The following CFAP99 variants were observed in gnomAD, a reference collection of about 807,000 sequenced individuals.
CFAP99 encodes the protein cilia and flagella associated protein 99, also known as cilia- and flagella-associated protein 99.
In CFAP99, 84 loss-of-function variants were observed where a neutral mutation model predicts 82.7. The ratio of observed to expected loss-of-function variants is 1.02; its 90% CI spans 0.85 to 1.22. The LOEUF (loss-of-function observed/expected upper bound fraction) is 1.22. Among genes scored for constraint, CFAP99 ranks in the 50% most tolerant of loss-of-function variants. The pLI is 0.00. For synonymous variants in CFAP99, 456 were observed against 429.5 expected, an observed-to-expected ratio of 1.06 and a Z score of -0.76; for missense variants, 1,059 against 983.5, an observed-to-expected ratio of 1.08 and a Z score of -1.03.
chr4:2,439,200 C>T (rs1332991896), intron 4 of CFAP99, among the ~76,000 whole-genome samples: 2 of 152,244 alleles, frequency 1.3e-5, no homozygotes, highest in Non-Finnish European at 2.9e-5. Flanking sequence ...CTACATGGTA[C>T]TCATCCCAGG....
intron 14 of CFAP99, 122 bp downstream of exon 14, chr4:2,460,364 C>T (rs1312125048): frequency 7.2e-6 from 6 of 828,920 alleles, no homozygotes; most frequent in Non-Finnish European, 1.1e-5. Context: ...AGGAAGTTCC[C>T]TTGCCGTAAC....
In CFAP99 at chr4:2,462,667, G is replaced by A. The variant is rs1734653994; in HGVS notation, c.1886G>A (p.Arg629Gln). The A allele has an allele frequency of 4.7e-6, 6 of 1,267,522 alleles. No individual in the cohort carries two copies. Among genetic ancestry groups the A allele is most frequent in the Non-Finnish European group, 5.9e-6 (6 of 1,008,892 alleles). The allele number at this position is 1,267,522 out of a possible 1,614,324, so 78.5% of individuals were successfully genotyped here. ...AAAGCCGGGGCCGGGTGGGGATGGC[G>A]GGCGCGGCGCGCAGGGACCGGCGTC... Residue 629 changes from arginine (R) to glutamine (Q), a missense_variant, in exon 15 of 15, where the codon CGG becomes CAG. Coordinates refer to ENST00000635017, the Ensembl canonical transcript of CFAP99. This position sits in a 1 kb window ranked among gnomAD's most constrained non-coding sequence, Gnocchi z 4.1.
chr4:2,452,893 T>A lies in CFAP99; in HGVS notation c.1161+547T>A, dbSNP rs187798906. On this transcript the variant is annotated intron_variant, in intron 11 of 14. Transcript: ENST00000635017. ...GCCTGAGCAACATAGCAAAATCCCG[T>A]CTCTGTAAAAAATACAAAAATTAGC... 1.7e-3 allele frequency among the ~76,000 whole-genome samples: 266 copies of A among 152,134 alleles called. 2 individuals carry two copies. Among genetic ancestry groups the A allele is most frequent in the African/African-American group, 6.0e-3 (250 of 41,502 alleles).
rs33954359 is a variant in CFAP99 at position 2,429,593 on chromosome 4, CTTT to C, written c.111+3021_111+3023del. On this transcript the variant is annotated intron_variant, in intron 2 of 14. Coordinates refer to ENST00000635017, the Ensembl canonical transcript of CFAP99. ...GGTTTTTCAGATCTTTTCTTTCTTT[CTTT>C]TTTTTTTTTTTTTGAGACAGAGTCT... 1.6e-3 allele frequency among the ~76,000 whole-genome samples: 226 copies of C among 139,158 alleles called. 2 individuals carry two copies. The highest frequency in any genetic ancestry group is 3.4e-3 in the African/African-American group (125 of 37,306). 91.3% of individuals were successfully genotyped at this position (139,158 alleles called of 152,430 possible).
At position 2,461,231 on chromosome 4, in the gene CFAP99, T is replaced by C. The variant is rs1734613929; in HGVS notation, c.1661+989T>C. Among the ~76,000 whole-genome samples the C allele has an allele frequency of 2.6e-5, 4 of 152,186 alleles. No individual in the cohort carries two copies. In the South Asian group the frequency reaches 8.3e-4, roughly 31 times the overall value. On this transcript the variant is annotated intron_variant, in intron 14 of 14. Coordinates refer to ENST00000635017, the Ensembl canonical transcript of CFAP99. ...GTCAGACATGGGCAGGCATGTCCCCTGGTCCTGGGGTCAGGCTGGCCTCTG... is the reference window on the plus strand; with the variant it reads ...GTCAGACATGGGCAGGCATGTCCCCCGGTCCTGGGGTCAGGCTGGCCTCTG...
At chr4:2,456,123 T>C (rs1420507110) in intron 11 of CFAP99, among the ~76,000 whole-genome samples, 1 of 152,202 alleles carries the variant, frequency 6.6e-6, no homozygotes, top group Non-Finnish European at 1.5e-5. Context: ...CTGTGCCTCA[T>C]AGAAGCCAGT....
At chr4:2,420,954 C>T (rs188445061) in intron 1 of CFAP99, among the ~76,000 whole-genome samples, 1 of 152,214 alleles carries the variant, frequency 6.6e-6, no homozygotes. Context: ...GAGAACTTAG[C>T]CACACAACCA....
At chr4:2,458,999 C>T (rs565409486) in intron 12 of CFAP99, 108 bp from the exon 13 acceptor site, 59 of 1,444,804 alleles carry the variant, frequency 4.1e-5, no homozygotes, top group Middle Eastern at 2.3e-4. Context: ...CCCAGGTGGC[C>T]GCACTGAGGC....
At position 2,443,291 on chromosome 4, in the gene CFAP99, A is replaced by G. The variant is rs76226541; in HGVS notation, c.464+49A>G. On this transcript the variant is annotated intron_variant, in intron 5 of 14. Transcript: ENST00000635017. ...GGGCCCTGAATGGCATCTGCACCCC[A>G]TTCCAGGTGCCTCCACGGGCACGGG... 1,817 of 1,227,684 alleles carry G rather than the reference A, an allele frequency of 1.5e-3. 42 individuals carry two copies. In the East Asian group the frequency reaches 0.043, roughly 29 times the overall value. 76.0% of individuals were successfully genotyped at this position (1,227,684 alleles called of 1,614,324 possible).
intron 13 of CFAP99, 104 bp from the exon 14 acceptor site, chr4:2,459,933 A>G: frequency 1.0e-6 from 1 of 983,618 alleles, no homozygotes; most frequent in Non-Finnish European, 1.5e-6. Flanking sequence ...AAGCAGAGGG[A>G]AGGTGGGCAA....
chr4:2,441,356 G>A (rs926394295), intron 4 of CFAP99, among the ~76,000 whole-genome samples: 113 of 138,966 alleles, frequency 8.1e-4, no homozygotes, highest in East Asian at 2.2e-4. Context: ...CTGGGCGACA[G>A]AGCGAGACTC....
chr4:2,452,340 G>T, exon 11 of CFAP99: 1 of 1,534,270 alleles, frequency 6.5e-7, no homozygotes, highest in Non-Finnish European at 8.7e-7. Context: ...AGCAGCAGAA[G>T]GAGCAGGTGG....
Position 2,462,759 on chromosome 4 carries a change from G to A in CFAP99, c.1978G>A (p.Gly660Arg). The A allele has an allele frequency of 8.0e-7, 1 of 1,249,896 alleles. No homozygotes were observed. Among genetic ancestry groups the A allele is most frequent in the Non-Finnish European group, 1.0e-6 (1 of 995,158 alleles). The allele number at this position is 1,249,896 out of a possible 1,614,324, so 77.4% of individuals were successfully genotyped here. Residue 660 changes from glycine (G) to arginine (R), a missense_variant, in exon 15 of 15, where the codon GGA becomes AGA. By Grantham distance (125) the Gly-to-Arg change is moderately radical. Transcript: ENST00000635017. This position sits in a 1 kb window ranked among gnomAD's most constrained non-coding sequence, Gnocchi z 4.1. ...CGGGAGATACGCAGCGGCGGGCGCG[G>A]GAGGCGGTGGGGGCGTCCCTGCCCG... is the stretch of plus-strand genomic sequence containing the variant.
Position 2,462,245 on chromosome 4 carries a change from C to G in CFAP99, c.1662-198C>G, listed in dbSNP as rs1265522364. 1.3e-5 allele frequency: 6 copies of G among 450,886 alleles called. No individual in the cohort carries two copies. The highest frequency in any genetic ancestry group is 1.9e-5 in the Non-Finnish European group (5 of 260,202). The allele number at this position is 450,886 out of a possible 1,614,324, so 27.9% of individuals were successfully genotyped here. A position where few individuals can be genotyped will look rare whatever the true frequency, so the allele number is the denominator to read the frequency against. ...TAGAAGTGCTGGAGACTCCCCCAAC[C>G]CCTCCAGCCCCTGAGCGGTGGTACT... On this transcript the variant is annotated intron_variant, in intron 14 of 14. Coordinates refer to ENST00000635017, the Ensembl canonical transcript of CFAP99. This position sits in a 1 kb window ranked among gnomAD's most constrained non-coding sequence, Gnocchi z 4.1.
Position 2,434,278 on chromosome 4 carries a change from C to A in CFAP99, c.112-2596C>A, listed in dbSNP as rs76255821. ...GGGGCCAGCTGGGGTATCCGTTTGGCAATCAGAATGCTGTCAGCCTCGAAG... is the reference window on the plus strand; with the variant it reads ...GGGGCCAGCTGGGGTATCCGTTTGGAAATCAGAATGCTGTCAGCCTCGAAG... On this transcript the variant is annotated intron_variant, in intron 2 of 14. Coordinates refer to ENST00000635017, the Ensembl canonical transcript of CFAP99. Among the ~76,000 whole-genome samples, 4 of 152,164 alleles carry A rather than the reference C, an allele frequency of 2.6e-5. No individual in the cohort carries two copies. In the East Asian group the frequency reaches 5.8e-4, roughly 22 times the overall value.
At chr4:2,439,331 A>C (rs1482596915) in intron 4 of CFAP99, among the ~76,000 whole-genome samples, 1 of 152,170 alleles carries the variant, frequency 6.6e-6, no homozygotes, top group African/African-American at 2.4e-5. Flanking sequence ...CTTACTCTGC[A>C]TGGAGGGGAC....
intron 11 of CFAP99, among the ~76,000 whole-genome samples, chr4:2,458,481 A>G (rs1734487622): frequency 1.3e-5 from 2 of 152,142 alleles, no homozygotes; most frequent in African/African-American, 4.8e-5. Context: ...CTTCAGATGC[A>G]GGAAGGTTCC....
intron 13 of CFAP99, among the ~76,000 whole-genome samples, chr4:2,459,724 C>T (rs563839919): frequency 2.0e-5 from 3 of 152,300 alleles, no homozygotes; most frequent in South Asian, 2.1e-4. Flanking sequence ...GGCCCAGCCC[C>T]GAGGCCATGG....
intron 8 of CFAP99, chr4:2,450,390 A>G: frequency 3.3e-6 from 1 of 301,718 alleles, no homozygotes. Context: ...GGCGGGGCTC[A>G]CTCAGGAGCA....
Sources: gnomAD v4.1 joint callset for allele counts (sites outside exome capture counted in the v4.1 genomes callset) on GRCh38, gnomAD v4.1.1 for gene constraint, Gnocchi (gnomAD v3.1) non-coding constraint, MANE v1.5 for transcripts, NCBI Gene and HGNC (gene_info 2026-07-23, HGNC 2026-07-21) for gene names.